BORCS5: variants seen among roughly 807,000 people sequenced by gnomAD.
The protein encoded by BORCS5 is BLOC-1-related complex subunit 5.
BORCS5 carries 17 observed loss-of-function variants against 22.1 expected under a neutral mutation model. The ratio of observed to expected loss-of-function variants is 0.77; its 90% CI spans 0.53 to 1.15. The LOEUF (loss-of-function observed/expected upper bound fraction) is 1.15. BORCS5 is among the 50% of genes most tolerant of loss of function. The pLI is 0.00. For synonymous variants in BORCS5, 117 were observed against 99.8 expected, an observed-to-expected ratio of 1.17 and a Z score of -1.03; for missense variants, 247 against 253.2, an observed-to-expected ratio of 0.98 and a Z score of 0.17.
intron 2 of BORCS5, among the ~76,000 whole-genome samples, chr12:12,404,727 C>T (rs929759644): frequency 6.6e-6 from 1 of 152,162 alleles, no homozygotes; most frequent in Admixed American, 6.5e-5. Context: ...TTTTGTGACA[C>T]AGTCTCTGTT....
chr12:12,452,344 C>G, intron 3 of BORCS5: 1 of 695,428 alleles, frequency 1.4e-6, no homozygotes, highest in Non-Finnish European at 2.6e-6. Flanking sequence ...TATTGTGAAC[C>G]GTGTCTACAT....
In BORCS5 at chr12:12,380,499, A is replaced by G. The variant is rs1223240010; in HGVS notation, c.202+19150A>G. On this transcript the variant is annotated intron_variant, in intron 2 of 3. Coordinates refer to ENST00000314565, the MANE Select transcript of BORCS5 (RefSeq NM_058169.6). ...ACAGGCCAGCTTTTCTGGACACTTC[A>G]TCTAAATGGAATCATACAATACATA... Among the ~76,000 whole-genome samples, 2 of 151,514 alleles carry G rather than the reference A, an allele frequency of 1.3e-5. 1 individual carries two copies. The highest frequency in any genetic ancestry group is 3.0e-5 in the Non-Finnish European group (2 of 67,748).
chr12:12,445,246 T>C (rs1565922545), intron 3 of BORCS5, among the ~76,000 whole-genome samples: 1 of 152,108 alleles, frequency 6.6e-6, no homozygotes. Context: ...CTTGCCATAT[T>C]GCCCAGGCTG....
At chr12:12,403,976 G>T (rs926881958) in intron 2 of BORCS5, among the ~76,000 whole-genome samples, 3 of 152,128 alleles carry the variant, frequency 2.0e-5, no homozygotes, top group African/African-American at 7.2e-5. Flanking sequence ...TTGTAGTTCC[G>T]TATAACTGCC....
At position 12,392,497 on chromosome 12, in the gene BORCS5, T is replaced by C. The variant is rs568905402; in HGVS notation, c.202+31148T>C. 2.1e-4 allele frequency among the ~76,000 whole-genome samples: 32 copies of C among 152,238 alleles called. No individual in the cohort carries two copies. The South Asian group carries it at 4.8e-3, about 23-fold the overall frequency. On this transcript the variant is annotated intron_variant, in intron 2 of 3. Transcript: ENST00000314565. ...CAAGGCAGCAAAAAGGTTACAGACA[T>C]AGACTTTTGAGAACAGTCAGATCCA...
intron 2 of BORCS5, among the ~76,000 whole-genome samples, chr12:12,424,596 ATGAC>A (rs917186602): frequency 2.1e-5 from 3 of 142,932 alleles, no homozygotes; most frequent in African/African-American, 7.5e-5. Flanking sequence ...GTTTCTTTGT[ATGAC>A]TGGTGATTTT....
chr12:12,438,004 C>T (rs981467614), intron 3 of BORCS5, among the ~76,000 whole-genome samples: 5 of 152,268 alleles, frequency 3.3e-5, no homozygotes, highest in Admixed American at 6.5e-5. Flanking sequence ...ACTGGGATTA[C>T]AGGTGTGAGC....
intron 3 of BORCS5, among the ~76,000 whole-genome samples, chr12:12,461,678 G>A (rs1390816501): frequency 1.3e-5 from 2 of 152,086 alleles, no homozygotes; most frequent in Non-Finnish European, 2.9e-5. Context: ...GGTCTACATG[G>A]GGTGCACCTG....
Position 12,414,994 on chromosome 12 carries a change from G to A in BORCS5, c.203-20634G>A, listed in dbSNP as rs897641210. ...CTCCTCACTTCCTAGATGGGATGGG[G>A]GTGGGGAAGAGGCGCTCCTCGCTTC... On this transcript the variant is annotated intron_variant, in intron 2 of 3. Coordinates refer to ENST00000314565, the MANE Select transcript of BORCS5 (RefSeq NM_058169.6). Among the ~76,000 whole-genome samples the A allele has an allele frequency of 4.7e-5, 6 of 126,524 alleles. 1 individual carries two copies. The highest frequency in any genetic ancestry group is 8.9e-5 in the Non-Finnish European group (5 of 55,926). 83.0% of individuals were successfully genotyped at this position (126,524 alleles called of 152,430 possible).
rs746358485 is a variant in BORCS5 at position 12,444,820 on chromosome 12, C to A, written c.360+9035C>A. Among the ~76,000 whole-genome samples the A allele has an allele frequency of 2.5e-4, 33 of 131,612 alleles. 1 individual carries two copies. Among genetic ancestry groups the A allele is most frequent in the Non-Finnish European group, 4.8e-4 (27 of 55,804 alleles). The allele number at this position is 131,612 out of a possible 152,430, so 86.3% of individuals were successfully genotyped here. On this transcript the variant is annotated intron_variant, in intron 3 of 3. Transcript: ENST00000314565. The stretch of plus-strand genomic sequence containing the variant: ...TATGATTTCAACTGTGTTAAATATT[C>A]TGTTTGTTTATTTTAGAGCAGGGTT...
Position 12,464,671 on chromosome 12 carries a change from GTCTC to G in BORCS5, c.361-867_361-864del, listed in dbSNP as rs921775205. Among the ~76,000 whole-genome samples the G allele has an allele frequency of 2.2e-4, 33 of 152,210 alleles. 1 individual carries two copies. The highest frequency in any genetic ancestry group is 4.6e-4 in the Admixed American group (7 of 15,284). On this transcript the variant is annotated intron_variant, in intron 3 of 3. Transcript: ENST00000314565. ...GGTGCAAGTGCCCAACACGATGGCG[GTCTC>G]TCTCTCTATTTTTATCTGGGTGATG...
In BORCS5 at chr12:12,470,315, G is replaced by C. The variant is rs527611831; in HGVS notation, c.*4539G>C. Among the ~76,000 whole-genome samples the C allele has an allele frequency of 6.6e-6, 1 of 152,018 alleles. No homozygotes were observed. Among genetic ancestry groups the C allele is most frequent in the African/African-American group, 2.4e-5 (1 of 41,386 alleles). ...AAACTCCTGACCTCGTGATCTGCCC[G>C]ACTTGGCCTCCCAAAGTACTGGGAT... On this transcript the variant is annotated 3_prime_UTR_variant, in exon 4 of 4. Coordinates refer to ENST00000314565, the MANE Select transcript of BORCS5 (RefSeq NM_058169.6).
intron 2 of BORCS5, among the ~76,000 whole-genome samples, chr12:12,410,531 A>G (rs1257938136): frequency 1.3e-5 from 2 of 151,816 alleles, no homozygotes; most frequent in East Asian, 1.9e-4. Context: ...AAGATCAGAT[A>G]GTTGTAGATA....
chr12:12,357,266 T>A lies in BORCS5; in HGVS notation c.-186T>A. On this transcript the variant is annotated 5_prime_UTR_variant, in exon 1 of 4. Coordinates refer to ENST00000314565, the MANE Select transcript of BORCS5 (RefSeq NM_058169.6). ...GCGTTTCTGTTCCCCAAATAGGGCC[T>A]CTCCTTCTCCCGCCGCCCAGGCCCC... 8 of 1,458,930 alleles carry A rather than the reference T, an allele frequency of 5.5e-6. No homozygotes were observed. The highest frequency in any genetic ancestry group is 7.2e-6 in the Non-Finnish European group (8 of 1,107,536). 90.4% of individuals were successfully genotyped at this position (1,458,930 alleles called of 1,614,324 possible).
At chr12:12,419,760 C>T (rs560136983) in intron 2 of BORCS5, among the ~76,000 whole-genome samples, 1 of 152,308 alleles carries the variant, frequency 6.6e-6, no homozygotes, top group Non-Finnish European at 1.5e-5. Flanking sequence ...GATGGTATCT[C>T]ATTGTGGTTT....
chr12:12,391,087 GACTACTATTGT>G (rs138716532), intron 2 of BORCS5, among the ~76,000 whole-genome samples: 25,284 of 151,902 alleles, frequency 0.17, 3,273 homozygotes, highest in African/African-American at 0.35. Flanking sequence ...AGTATTGATA[GACTACTATTGT>G]GCATCCAGTC....
Position 12,386,198 on chromosome 12 carries a change from G to A in BORCS5, c.202+24849G>A, listed in dbSNP as rs145422045. On this transcript the variant is annotated intron_variant, in intron 2 of 3. Coordinates refer to ENST00000314565, the MANE Select transcript of BORCS5 (RefSeq NM_058169.6). Reference sequence around the variant, plus strand: ...GTATTTTTAGTAGAGACAGCATTTCGCCACGTTGGCTAGGCTGGTCATGGA... The same window carrying A: ...GTATTTTTAGTAGAGACAGCATTTCACCACGTTGGCTAGGCTGGTCATGGA... Among the ~76,000 whole-genome samples the A allele has an allele frequency of 1.9e-3, 290 of 150,424 alleles. 8 individuals carry two copies. Among genetic ancestry groups the A allele is most frequent in the African/African-American group, 7.0e-3 (285 of 40,904 alleles).
chr12:12,366,354 C>G (rs1440805537), intron 2 of BORCS5, among the ~76,000 whole-genome samples: 1 of 152,164 alleles, frequency 6.6e-6, no homozygotes, highest in Non-Finnish European at 1.5e-5. Flanking sequence ...ATTTGTATGA[C>G]TGAGGTAATG....
In BORCS5 at chr12:12,438,382, G is replaced by GAAA. The variant is rs1565915767; in HGVS notation, c.360+2600_360+2602dup. ...TCTCAAAAAAAAAAAAAAAAAAAAC[G>GAAA]AAAAACAACAACAAAAACCTCTAAT... On this transcript the variant is annotated intron_variant, in intron 3 of 3. Transcript: ENST00000314565. 2.1e-3 allele frequency among the ~76,000 whole-genome samples: 220 copies of GAAA among 106,890 alleles called. 12 individuals carry two copies. The highest frequency in any genetic ancestry group is 0.012 in the African/African-American group (211 of 18,012). 70.1% of individuals were successfully genotyped at this position (106,890 alleles called of 152,430 possible). A position where few individuals can be genotyped will look rare whatever the true frequency, so the allele number is the denominator to read the frequency against.
Sources: gnomAD v4.1 joint callset for allele counts (sites outside exome capture counted in the v4.1 genomes callset) on GRCh38, gnomAD v4.1.1 for gene constraint, MANE v1.5 for transcripts, NCBI Gene and HGNC (gene_info 2026-07-23, HGNC 2026-07-21) for gene names.